The following PHF14 variants were observed in gnomAD, a reference collection of about 807,000 sequenced individuals.
PHF14 encodes the protein PHD finger protein 14.
Under a neutral mutation model 117.9 loss-of-function variants are expected in PHF14, and 55 were observed. The ratio of observed to expected loss-of-function variants is 0.47; its 90% confidence interval spans 0.38 to 0.58. The LOEUF is 0.58. Ranked by LOEUF, PHF14 falls within the 20% of genes least tolerant of loss-of-function variation. PHF14 has a pLI of 0.00. For missense variants in PHF14, 978 were observed against 1,122.2 expected (o/e 0.87, Z 1.84); for synonymous variants, 409 against 368.6 (o/e 1.11, Z -1.26).
intron 5 of PHF14, chr7:11,014,905 A>T (rs548282449): frequency 2.0e-5 from 3 of 150,072 alleles, no homozygotes; most frequent in Non-Finnish European, 3.0e-5. Flanking sequence ...TTTTTTTTAC[A>T]GGAGACTACC....
chr7:10,977,700 T>G (rs1188310385), intron 2 of PHF14, among the ~76,000 whole-genome samples: 2 of 152,194 alleles, frequency 1.3e-5, no homozygotes, highest in Non-Finnish European at 2.9e-5. Flanking sequence ...GAGTAAGTCC[T>G]AAAATAGGAT....
intron 5 of PHF14, among the ~76,000 whole-genome samples, chr7:11,017,870 T>G (rs141955797): frequency 6.6e-6 from 1 of 152,314 alleles, no homozygotes; most frequent in Non-Finnish European, 1.5e-5. Context: ...CCCCAATGTT[T>G]TCTTGTAGTA....
chr7:11,012,294 T>C (rs773832149), intron 4 of PHF14, among the ~76,000 whole-genome samples: 4 of 152,100 alleles, frequency 2.6e-5, no homozygotes, highest in Non-Finnish European at 5.9e-5. Flanking sequence ...ACTTTAAATA[T>C]ACAGTCACCC....
intron 4 of PHF14, among the ~76,000 whole-genome samples, chr7:11,003,366 C>A (rs550155774): frequency 2.6e-5 from 4 of 152,226 alleles, no homozygotes; most frequent in Middle Eastern, 3.4e-3. Context: ...TTCCTTTTAC[C>A]CAGATTCCTC....
At chr7:10,974,761 T>G in intron 1 of PHF14, 74 bp from the exon 2 acceptor site, 2 of 774,328 alleles carry the variant, frequency 2.6e-6, no homozygotes, top group Admixed American at 2.9e-5. Flanking sequence ...CATCTTTATG[T>G]TCTCTTAGCA....
At chr7:11,134,288 G>T (rs1788159731) in intron 17 of PHF14, among the ~76,000 whole-genome samples, 1 of 151,854 alleles carries the variant, frequency 6.6e-6, no homozygotes, top group South Asian at 2.1e-4. Flanking sequence ...GCTTTTAAAA[G>T]ATATATCTTT....
chr7:11,113,450 G>GT (rs1379387837), intron 17 of PHF14, among the ~76,000 whole-genome samples: 6 of 152,058 alleles, frequency 3.9e-5, no homozygotes, highest in Admixed American at 6.6e-5. Flanking sequence ...GCTGTACTCT[G>GT]TTTGACCTGT....
chr7:11,074,552 A>G (rs1011273397), intron 16 of PHF14, among the ~76,000 whole-genome samples: 2 of 152,066 alleles, frequency 1.3e-5, no homozygotes, highest in African/African-American at 4.8e-5. Context: ...TCCTGTATCG[A>G]TTCATAGGCT....
At chr7:11,081,538 T>C (rs1466817750) in intron 16 of PHF14, among the ~76,000 whole-genome samples, 1 of 152,192 alleles carries the variant, frequency 6.6e-6, no homozygotes, top group Non-Finnish European at 1.5e-5. Flanking sequence ...TGGGAAAACA[T>C]TTAAGTTTAA....
chr7:11,022,009 T>TG (rs1486801859), intron 5 of PHF14, among the ~76,000 whole-genome samples: 1 of 152,090 alleles, frequency 6.6e-6, no homozygotes, highest in Non-Finnish European at 1.5e-5. Flanking sequence ...CTTACAAAAG[T>TG]GCTAAGATCT....
chr7:11,015,302 G>A (rs143972394), intron 5 of PHF14: 94 of 152,176 alleles, frequency 6.2e-4, no homozygotes, highest in African/African-American at 2.0e-3. Flanking sequence ...AGATTGCTGG[G>A]ATAGCGTAGA....
At position 11,145,038 on chromosome 7, in the gene PHF14, CACA is replaced by C. The variant is rs374927878; in HGVS notation, c.2773-24373_2773-24371del. Reference sequence around the variant, plus strand: ...TGGAGATGAATGATGGTGATGGTTTCACAACAATATAAATATTTAATACCTCTG... The same window carrying C: ...TGGAGATGAATGATGGTGATGGTTTCACAATATAAATATTTAATACCTCTG... On this transcript the variant is annotated intron_variant, in intron 17 of 17. Coordinates refer to ENST00000634607, the MANE Select transcript of PHF14 (RefSeq NM_001007157.2). Among the ~76,000 whole-genome samples the C allele has an allele frequency of 3.3e-3, 501 of 151,792 alleles. 3 individuals are homozygous for C. The highest frequency in any genetic ancestry group is 0.012 in the African/African-American group (486 of 41,366).
intron 16 of PHF14, chr7:11,105,234 T>G (rs1451186344): frequency 4.5e-5 from 43 of 959,318 alleles, no homozygotes; most frequent in Non-Finnish European, 5.3e-5. Context: ...ATGCATTGTT[T>G]ATAGATCATT....
chr7:11,156,656 G>A (rs1448716868), intron 17 of PHF14, among the ~76,000 whole-genome samples: 4 of 152,210 alleles, frequency 2.6e-5, no homozygotes, highest in South Asian at 2.1e-4. Flanking sequence ...TTAGCCGGGT[G>A]TAGTGGCAGG....
rs1303236287 is a variant in PHF14, at chr7:10,985,635, A to AC, written c.900+2477dup. 7.4e-5 allele frequency among the ~76,000 whole-genome samples: 9 copies of AC among 121,422 alleles called. 1 individual carries two copies. The East Asian group carries it at 1.9e-3, about 25-fold the overall frequency. 79.7% of individuals were successfully genotyped at this position (121,422 alleles called of 152,430 possible). A position where few individuals can be genotyped will look rare whatever the true frequency, so the allele number is the denominator to read the frequency against. On this transcript the variant is annotated intron_variant, in intron 3 of 17. Transcript: ENST00000634607. ...AATACTCTCTAGCAGTGATTCTCAA[A>AC]CTGTTTTTTTTTTTTTTTTTTTTTT... is the stretch of plus-strand genomic sequence containing the variant.
chr7:11,024,253 G>A (rs1448648942), intron 6 of PHF14, among the ~76,000 whole-genome samples: 1 of 152,184 alleles, frequency 6.6e-6, no homozygotes, highest in Non-Finnish European at 1.5e-5. Flanking sequence ...AGGTTGAAAG[G>A]TAGCAGAGGT....
intron 16 of PHF14, among the ~76,000 whole-genome samples, chr7:11,077,289 G>C (rs1259191238): frequency 6.6e-6 from 1 of 151,374 alleles, no homozygotes; most frequent in East Asian, 1.9e-4. Context: ...GAATTAACCA[G>C]TAGTGCAAAG....
At chr7:11,061,367 A>G (rs1232155458) in intron 14 of PHF14, 3 of 152,568 alleles carry the variant, frequency 2.0e-5, no homozygotes, top group Non-Finnish European at 2.9e-5. Context: ...ATGTATGCAC[A>G]TGCATATATG....
At chr7:11,112,123 A>G (rs575660106) in intron 17 of PHF14, among the ~76,000 whole-genome samples, 1 of 152,024 alleles carries the variant, frequency 6.6e-6, no homozygotes, top group Non-Finnish European at 1.5e-5. Context: ...AAATAGCCAG[A>G]CTCCTAATGT....
Sources: allele counts gnomAD v4.1 joint callset (sites outside exome capture counted in the v4.1 genomes callset), GRCh38; gene constraint gnomAD v4.1.1; transcripts MANE v1.5; gene names NCBI Gene and HGNC (gene_info 2026-07-23, HGNC 2026-07-21).